The following CD109 variants were observed in gnomAD, a reference collection of about 807,000 sequenced individuals.
CD109 encodes the protein CD109 molecule, also known as CD109 antigen.
In CD109, 149 loss-of-function variants were observed where a neutral mutation model predicts 165.8. The observed-to-expected ratio is 0.90, with a 90% CI of 0.79 to 1.03. The LOEUF (loss-of-function observed/expected upper bound fraction) is 1.03, where lower values mean the gene tolerates loss of function less well. Among genes scored for constraint, CD109 ranks in the 50% least tolerant of loss-of-function variants. CD109 has a pLI of 0.00. For synonymous variants in CD109, 585 were observed against 592.1 expected, an observed-to-expected ratio of 0.99 and a Z score of 0.18; for missense variants, 1,712 against 1,677.8, an observed-to-expected ratio of 1.02 and a Z score of -0.36.
In CD109 at chr6:73,824,039, C is replaced by A; in HGVS notation, c.*406C>A. The A allele has an allele frequency of 6.5e-6, 1 of 154,174 alleles. No homozygotes were observed. The highest frequency in any genetic ancestry group is 1.4e-5 in the Non-Finnish European group (1 of 69,352). 9.6% of individuals were successfully genotyped at this position (154,174 alleles called of 1,614,324 possible). ...TTCCCTGGGAATGGGAGAAAACAGC[C>A]AGCAGGAGGAGCTTCATCTGTTCCC... On this transcript the variant is annotated 3_prime_UTR_variant, in exon 33 of 33. Coordinates refer to ENST00000287097, the MANE Select transcript of CD109 (RefSeq NM_133493.5).
chr6:73,730,393 G>T lies in CD109; in HGVS notation c.326G>T (p.Arg109Leu). The T allele has an allele frequency of 2.5e-6, 4 of 1,613,954 alleles. No homozygotes were observed. The highest frequency in any genetic ancestry group is 3.4e-6 in the Non-Finnish European group (4 of 1,179,886). The part of the protein sequence containing the change: ...DEIYELRVTG[R>L]TQDEILFSNS... ...ATTTATGAGCTACGTGTAACCGGAC[G>T]TACCCAGGATGAGATTTTATTCTCT... The change falls in exon 4 of 33, where the codon CGT (arginine) becomes CTT (leucine). Residue 109 changes from arginine (R) to leucine (L), a missense_variant. By Grantham distance (102) the Arg-to-Leu change is moderately radical. Transcript: ENST00000287097.
chr6:73,745,521 C>T (rs1772951093), intron 5 of CD109, among the ~76,000 whole-genome samples: 1 of 152,156 alleles, frequency 6.6e-6, no homozygotes, highest in South Asian at 2.1e-4. Context: ...GTGGATGCCA[C>T]GGGATCACCT....
At chr6:73,710,044 T>C (rs971711737) in intron 2 of CD109, among the ~76,000 whole-genome samples, 26 of 152,178 alleles carry the variant, frequency 1.7e-4, no homozygotes, top group South Asian at 2.1e-4. Context: ...GACAGGGATG[T>C]CCTCTCTCAC....
chr6:73,711,180 C>T (rs1311784057), intron 2 of CD109, among the ~76,000 whole-genome samples: 1 of 152,052 alleles, frequency 6.6e-6, no homozygotes, highest in African/African-American at 2.4e-5. Context: ...TTGTACTTAA[C>T]CTAACATTTG....
At chr6:73,715,104 CA>C (rs367781155) in intron 2 of CD109, among the ~76,000 whole-genome samples, 1 of 152,030 alleles carries the variant, frequency 6.6e-6, no homozygotes, top group African/African-American at 2.4e-5. Flanking sequence ...ACTAAAAACA[CA>C]AAAAATTAGC....
At chr6:73,778,926 T>C (rs770364135) in intron 15 of CD109, among the ~76,000 whole-genome samples, 2 of 152,210 alleles carry the variant, frequency 1.3e-5, no homozygotes, top group Non-Finnish European at 2.9e-5. Context: ...AAGTTAAATA[T>C]ATATAAAATA....
intron 20 of CD109, among the ~76,000 whole-genome samples, chr6:73,786,755 A>G (rs1020998110): frequency 1.2e-4 from 18 of 152,254 alleles, no homozygotes; most frequent in Admixed American, 7.8e-4. Context: ...CAACCAAGAT[A>G]TGCTTCAGGA....
chr6:73,808,067 C>T lies in CD109; in HGVS notation c.3190-16C>T. On this transcript the variant is annotated splice_polypyrimidine_tract_variant and intron_variant, in intron 25 of 32. Coordinates refer to ENST00000287097, the MANE Select transcript of CD109 (RefSeq NM_133493.5). ...GTTACTCTGAATAGTAAAAAACATA[C>T]TTTTTTTCTTCCAAGCCTAACATTG... 1 of 1,608,978 alleles carries T rather than the reference C, an allele frequency of 6.2e-7. No individual in the cohort carries two copies. Among genetic ancestry groups the T allele is most frequent in the Non-Finnish European group, 8.5e-7 (1 of 1,177,614 alleles).
intron 2 of CD109, among the ~76,000 whole-genome samples, chr6:73,705,294 A>G (rs1239788763): frequency 6.6e-6 from 1 of 152,188 alleles, no homozygotes; most frequent in Non-Finnish European, 1.5e-5. Context: ...GACAGAGCTC[A>G]TGGAAAGAAC....
intron 2 of CD109, among the ~76,000 whole-genome samples, chr6:73,709,692 A>G (rs983356752): frequency 6.6e-6 from 1 of 152,186 alleles, no homozygotes; most frequent in Non-Finnish European, 1.5e-5. Flanking sequence ...AAAATCTTCA[A>G]TAAAATACCG....
At chr6:73,795,946 G>A (rs1322389382) in intron 23 of CD109, among the ~76,000 whole-genome samples, 1 of 152,188 alleles carries the variant, frequency 6.6e-6, no homozygotes, top group Non-Finnish European at 1.5e-5. Context: ...TCAACACGTA[G>A]TAAGTGCACA....
chr6:73,780,446 A>G lies in CD109; in HGVS notation c.1850A>G (p.Tyr617Cys). ...MENVVHELEL[Y>C]NTGYYLGMFM... ...TAGGTGGTCCATGAGTTGGAACTTT[A>G]TAACACAGGATATTATTTAGGCATG... The change falls in exon 16 of 33, where the codon TAT becomes TGT. Residue 617 changes from tyrosine to cysteine, a missense_variant. Coordinates refer to ENST00000287097, the MANE Select transcript of CD109 (RefSeq NM_133493.5). 1 of 1,607,676 alleles carries G rather than the reference A, an allele frequency of 6.2e-7. No homozygotes were observed. The highest frequency in any genetic ancestry group is 8.5e-7 in the Non-Finnish European group (1 of 1,174,872).
At chr6:73,711,336 A>G (rs1478000110) in intron 2 of CD109, among the ~76,000 whole-genome samples, 1 of 152,096 alleles carries the variant, frequency 6.6e-6, no homozygotes, top group Non-Finnish European at 1.5e-5. Flanking sequence ...TTATTAAGAT[A>G]TTTGTAAGCA....
At chr6:73,729,921 A>C (rs367595057) in intron 3 of CD109, among the ~76,000 whole-genome samples, 1 of 152,214 alleles carries the variant, frequency 6.6e-6, no homozygotes, top group South Asian at 2.1e-4. Flanking sequence ...CTCAGAAAAC[A>C]GGTTGAGAGA....
At chr6:73,719,164 A>AT (rs1172029637) in intron 2 of CD109, among the ~76,000 whole-genome samples, 1 of 152,168 alleles carries the variant, frequency 6.6e-6, no homozygotes, top group Non-Finnish European at 1.5e-5. Context: ...CTTGCTGCTT[A>AT]TTTCAGTGGC....
chr6:73,690,438 GTT>G, the CD109 span, among the ~76,000 whole-genome samples: 1 of 152,192 alleles, frequency 6.6e-6, no homozygotes, highest in Non-Finnish European at 1.5e-5. Flanking sequence ...TTTCGCTCTT[GTT>G]GTCCAGGCTG....
Position 73,813,507 on chromosome 6 carries a change from A to C in CD109, c.3768+1237A>C, listed in dbSNP as rs148368347. 1.8e-4 allele frequency among the ~76,000 whole-genome samples: 28 copies of C among 152,248 alleles called. 1 individual carries two copies. In the East Asian group the frequency reaches 5.4e-3, roughly 29 times the overall value. The stretch of plus-strand genomic sequence containing the variant: ...TCCCATGTTGGTCTCAAAATGCAGA[A>C]AACAAAAGGAAGGGACTAGTAGGCA... On this transcript the variant is annotated intron_variant, in intron 29 of 32. Transcript: ENST00000287097.
chr6:73,723,575 G>A (rs550592206), intron 3 of CD109, among the ~76,000 whole-genome samples: 1 of 152,330 alleles, frequency 6.6e-6, no homozygotes, highest in South Asian at 2.1e-4. Flanking sequence ...AAAGGAACGA[G>A]ACCATGTCCT....
the CD109 span, among the ~76,000 whole-genome samples, chr6:73,682,683 T>TGCCCTAGCAGAGGTTCTC: frequency 6.6e-6 from 1 of 152,266 alleles, no homozygotes; most frequent in South Asian, 2.1e-4. Flanking sequence ...CAGAGGTTCT[T>TGCCCTAGCAGAGGTTCTC]GCCCTAGCAG....
Sources: gnomAD v4.1 joint callset for allele counts (sites outside exome capture counted in the v4.1 genomes callset) on GRCh38, gnomAD v4.1.1 for gene constraint, MANE v1.5 for transcripts, NCBI Gene and HGNC (gene_info 2026-07-23, HGNC 2026-07-21) for gene names.